Variants in GRIA1 observed in about 807,000 individuals in gnomAD.
GRIA1 encodes the protein glutamate ionotropic receptor AMPA type subunit 1.
Under a neutral mutation model 99.2 loss-of-function variants are expected in GRIA1, and 31 were observed. The observed-to-expected ratio is 0.31, with a 90% CI of 0.23 to 0.42. The LOEUF is 0.42. Among genes scored for constraint, GRIA1 ranks in the 10% least tolerant of loss-of-function variants. The probability of loss-of-function intolerance (pLI) is 1.00; values close to 1 mark genes in which losing one functional copy is unlikely to be tolerated. For synonymous variants in GRIA1, 438 were observed against 432.4 expected (o/e 1.01, Z -0.16); for missense variants, 782 against 1,157.5 (o/e 0.68, Z 4.71).
At chr5:153,589,709 TC>T (rs1763795087) in intron 2 of GRIA1, among the ~76,000 whole-genome samples, 1 of 152,174 alleles carries the variant, frequency 6.6e-6, no homozygotes. Flanking sequence ...GCATTTACTC[TC>T]AGGTTGGCAC....
rs149843757 is a variant in GRIA1, at chr5:153,720,956, C to A, written c.1823+14889C>A. Among the ~76,000 whole-genome samples, 1,115 of 152,234 alleles carry A rather than the reference C, an allele frequency of 7.3e-3. 19 individuals are homozygous for A. The highest frequency in any genetic ancestry group is 0.026 in the African/African-American group (1,082 of 41,518). ...GTGAACTTACAAAGTTCAGGTGTAT[C>A]CTGGGCCCCAAGTGCCATCCACGGG... is the stretch of plus-strand genomic sequence containing the variant. On this transcript the variant is annotated intron_variant, in intron 11 of 15. Coordinates refer to ENST00000285900, the MANE Select transcript of GRIA1 (RefSeq NM_000827.4).
chr5:153,563,002 C>G (rs1470679939), intron 2 of GRIA1, among the ~76,000 whole-genome samples: 1 of 151,898 alleles, frequency 6.6e-6, no homozygotes, highest in African/African-American at 2.4e-5. Context: ...ATGGTGAAAC[C>G]CCGTCTCTAC....
intron 10 of GRIA1, among the ~76,000 whole-genome samples, chr5:153,699,617 T>A (rs993663790): frequency 3.3e-5 from 5 of 152,186 alleles, no homozygotes; most frequent in African/African-American, 1.2e-4. Context: ...TGTTTCTTTC[T>A]TTCTTCTCAT....
At chr5:153,706,679 C>G (rs1758920216) in intron 11 of GRIA1, among the ~76,000 whole-genome samples, 1 of 152,188 alleles carries the variant, frequency 6.6e-6, no homozygotes, top group Non-Finnish European at 1.5e-5. Context: ...TCACCTCACC[C>G]TAGTAGATGT....
chr5:153,688,718 A>G (rs536986460), intron 8 of GRIA1, among the ~76,000 whole-genome samples: 3 of 146,858 alleles, frequency 2.0e-5, no homozygotes, highest in African/African-American at 5.1e-5. Flanking sequence ...TTCCTTTCAG[A>G]TTCTTTTTTT....
intron 2 of GRIA1, among the ~76,000 whole-genome samples, chr5:153,564,067 C>A (rs1463912800): frequency 6.6e-6 from 1 of 152,124 alleles, no homozygotes; most frequent in Non-Finnish European, 1.5e-5. Context: ...CAAGGTGTGA[C>A]CTCTGCACAA....
intron 11 of GRIA1, among the ~76,000 whole-genome samples, chr5:153,757,871 A>C (rs1762931217): frequency 1.3e-5 from 2 of 152,166 alleles, no homozygotes; most frequent in Admixed American, 1.3e-4. Context: ...TATAAAACTC[A>C]CTGGTAAAAG....
At position 153,541,488 on chromosome 5, in the gene GRIA1, GT is replaced by G. The variant is rs1401609713; in HGVS notation, c.220+47424del. Among the ~76,000 whole-genome samples the G allele has an allele frequency of 2.6e-5, 4 of 152,280 alleles. No homozygotes were observed. The Middle Eastern group carries it at 0.01, about 388-fold the overall frequency. On this transcript the variant is annotated intron_variant, in intron 2 of 15. Transcript: ENST00000285900. ...GCCTCATTTTAGAGGTAAGAAACCA[GT>G]GTTAAATTACTTGAACTACAGCACA...
intron 14 of GRIA1, chr5:153,795,493 C>A (rs769972387): frequency 1.9e-6 from 3 of 1,602,430 alleles, no homozygotes; most frequent in Admixed American, 1.7e-5. Context: ...GTAAACCTAG[C>A]GGTTTTGAAA....
chr5:153,695,938 G>C (rs1758061141), intron 8 of GRIA1, among the ~76,000 whole-genome samples: 1 of 152,192 alleles, frequency 6.6e-6, no homozygotes, highest in African/African-American at 2.4e-5. Flanking sequence ...AGATGTTCTA[G>C]ACTAAGACAG....
intron 2 of GRIA1, among the ~76,000 whole-genome samples, chr5:153,590,506 ATGTG>A (rs5872325): frequency 0.015 from 2,275 of 147,890 alleles, 53 homozygotes; most frequent in African/African-American, 0.046. Context: ...AGCTATTGAA[ATGTG>A]TGTGTGTGTG....
chr5:153,672,113 C>T (rs934664469), intron 5 of GRIA1, among the ~76,000 whole-genome samples: 5 of 152,210 alleles, frequency 3.3e-5, no homozygotes, highest in African/African-American at 9.6e-5. Context: ...AAGATGCCTA[C>T]ACTGCAGGCT....
At chr5:153,664,019 C>CT (rs1303631462) in intron 5 of GRIA1, among the ~76,000 whole-genome samples, 1 of 152,226 alleles carries the variant, frequency 6.6e-6, no homozygotes, top group Admixed American at 6.5e-5. Context: ...TGGAAACTCA[C>CT]TGTCACCAGC....
At chr5:153,780,165 C>A (rs879454801) in intron 13 of GRIA1, among the ~76,000 whole-genome samples, 16 of 152,140 alleles carry the variant, frequency 1.1e-4, no homozygotes, top group Admixed American at 1.0e-3. Flanking sequence ...AACTTAATTT[C>A]AGACTTGCTA....
intron 2 of GRIA1, among the ~76,000 whole-genome samples, chr5:153,623,964 A>T (rs369005376): frequency 2.1e-5 from 2 of 93,088 alleles, no homozygotes; most frequent in African/African-American, 6.2e-5. Flanking sequence ...AAACCCATAT[A>T]TGGATTGAAA....
chr5:153,632,422 C>A (rs1753045876), intron 2 of GRIA1, among the ~76,000 whole-genome samples: 1 of 152,172 alleles, frequency 6.6e-6, no homozygotes. Flanking sequence ...GAAAATCCTA[C>A]CAAAAGTCAG....
chr5:153,660,379 G>A (rs1309566081), intron 5 of GRIA1, among the ~76,000 whole-genome samples: 1 of 152,142 alleles, frequency 6.6e-6, no homozygotes, highest in Non-Finnish European at 1.5e-5. Flanking sequence ...ATTATCCTCA[G>A]ATGAAGAAAC....
At chr5:153,557,589 C>T (rs1760763693) in intron 2 of GRIA1, among the ~76,000 whole-genome samples, 1 of 152,094 alleles carries the variant, frequency 6.6e-6, no homozygotes, top group Admixed American at 6.5e-5. Context: ...ATGCTATAAG[C>T]TTTTCTTTTT....
chr5:153,704,039 G>T (rs1758717330), intron 10 of GRIA1, among the ~76,000 whole-genome samples: 1 of 152,212 alleles, frequency 6.6e-6, no homozygotes, highest in Non-Finnish European at 1.5e-5. Context: ...AAACAGAATT[G>T]CTATGAAATT....
Sources: gnomAD v4.1 joint callset for allele counts (sites outside exome capture counted in the v4.1 genomes callset) on GRCh38, gnomAD v4.1.1 for gene constraint, MANE v1.5 for transcripts, NCBI Gene and HGNC (gene_info 2026-07-23, HGNC 2026-07-21) for gene names.